EDA: variants seen among roughly 807,000 people sequenced by gnomAD.
EDA encodes the protein ectodysplasin-A.
In EDA, 2 loss-of-function variants were observed where a neutral mutation model predicts 23.6. That is an observed-to-expected ratio of 0.08 (90% CI 0.03 to 0.27). The LOEUF is 0.27. Among genes scored for constraint, EDA ranks in the 10% least tolerant of loss-of-function variants. The probability of loss-of-function intolerance (pLI) is 1.00; values close to 1 mark genes in which losing one functional copy is unlikely to be tolerated. For missense variants in EDA, 229 were observed against 324.2 expected (o/e 0.71, Z 2.26); for synonymous variants, 131 against 132.0 (o/e 0.99, Z 0.05).
chrX:69,768,993 AG>A (rs898062550), intron 1 of EDA, among the ~76,000 whole-genome samples: 1 of 112,005 alleles, frequency 8.9e-6, no homozygotes, highest in African/African-American at 3.2e-5. Flanking sequence ...ATGATTTTCT[AG>A]ATGTCTTTCT....
At chrX:69,849,431 T>C (rs2017079252) in intron 1 of EDA, among the ~76,000 whole-genome samples, 1 of 112,200 alleles carries the variant, frequency 8.9e-6, no homozygotes, top group Admixed American at 9.5e-5. Flanking sequence ...AAACATACCA[T>C]GTTGATTCCA....
At chrX:69,844,902 A>G (rs1442541009) in intron 1 of EDA, among the ~76,000 whole-genome samples, 3 of 112,342 alleles carry the variant, frequency 2.7e-5, no homozygotes, top group African/African-American at 9.7e-5. Flanking sequence ...CCTCAGCGTA[A>G]GTACATTTCT....
chrX:69,642,561 G>GT (rs1932852837), intron 1 of EDA, among the ~76,000 whole-genome samples: 1 of 110,653 alleles, frequency 9.0e-6, no homozygotes, highest in South Asian at 3.9e-4. Flanking sequence ...GTCAAAATTG[G>GT]TATAATATGA....
At chrX:69,693,729 A>G (rs1934777625) in intron 1 of EDA, among the ~76,000 whole-genome samples, 1 of 112,156 alleles carries the variant, frequency 8.9e-6, no homozygotes, top group Admixed American at 9.5e-5. Flanking sequence ...CAATTGCTTT[A>G]TAATTTGTCC....
chrX:69,759,141 T>G (rs965814235), intron 1 of EDA, among the ~76,000 whole-genome samples: 8 of 112,605 alleles, frequency 7.1e-5, no homozygotes, highest in African/African-American at 2.6e-4. Flanking sequence ...AATGACTTTC[T>G]TTTTTAAACC....
At chrX:69,658,643 C>G in intron 1 of EDA, among the ~76,000 whole-genome samples, 1 of 111,429 alleles carries the variant, frequency 9.0e-6, no homozygotes. Context: ...AACTCTGCTT[C>G]CTATGTTTGC....
At chrX:69,655,768 A>C (rs1050093512) in intron 1 of EDA, among the ~76,000 whole-genome samples, 1 of 85,098 alleles carries the variant, frequency 1.2e-5, no homozygotes, top group Non-Finnish European at 2.1e-5. Flanking sequence ...GAATCTATAT[A>C]TATATATATA....
At position 69,758,025 on chromosome X, in the gene EDA, C is replaced by A. The variant is rs745885381; in HGVS notation, c.396+141321C>A. ...TCATCATGCTCAAGCGATTTGTCTC[C>A]ATTTTTATTGCGTATCACTCAGAAG... On this transcript the variant is annotated intron_variant, in intron 1 of 7. Coordinates refer to ENST00000374552, the MANE Select transcript of EDA (RefSeq NM_001399.5). Among the ~76,000 whole-genome samples the A allele has an allele frequency of 8.2e-4, 92 of 112,043 alleles. 1 individual carries two copies. Among genetic ancestry groups the A allele is most frequent in the Non-Finnish European group, 1.1e-3 (58 of 53,186 alleles).
chrX:69,733,921 T>TC (rs1198103226), intron 1 of EDA, among the ~76,000 whole-genome samples: 1 of 106,439 alleles, frequency 9.4e-6, no homozygotes, highest in Non-Finnish European at 1.9e-5. Flanking sequence ...TATTTTTGCT[T>TC]TTTTTTTTAT....
chrX:70,023,148 ACTAT>A lies in EDA; in HGVS notation c.503-67_503-64del, dbSNP rs766865382. The A allele has an allele frequency of 1.3e-4, 93 of 737,611 alleles. No homozygotes were observed. In the African/African-American group the frequency reaches 1.8e-3, roughly 14 times the overall value. 60.8% of individuals were successfully genotyped at this position (737,611 alleles called of 1,213,427 possible). A position where few individuals can be genotyped will look rare whatever the true frequency, so the allele number is the denominator to read the frequency against. On this transcript the variant is annotated intron_variant, in intron 2 of 7. Transcript: ENST00000374552. ...AGTGTCTTGGGGATCCCTCCTAGTG[ACTAT>A]CTTAGAAAATAAACATTTTCTGTTC...
chrX:69,816,346 A>T (rs973000346), intron 1 of EDA, among the ~76,000 whole-genome samples: 6 of 111,548 alleles, frequency 5.4e-5, no homozygotes, highest in African/African-American at 2.0e-4. Context: ...TGAGGCTGAG[A>T]TGGCTGAATT....
chrX:69,843,953 C>T (rs1413244086), intron 1 of EDA, among the ~76,000 whole-genome samples: 1 of 98,596 alleles, frequency 1.0e-5, no homozygotes, highest in Non-Finnish European at 2.0e-5. Context: ...ACCCAGGAGG[C>T]AGAGCTTGCA....
chrX:70,028,671 C>G (rs1343281003), intron 4 of EDA, among the ~76,000 whole-genome samples: 1 of 112,871 alleles, frequency 8.9e-6, no homozygotes. Flanking sequence ...CCCTACCACA[C>G]TTGCCATTCA....
At chrX:69,926,755 G>T (rs745870229) in intron 1 of EDA, among the ~76,000 whole-genome samples, 2 of 111,402 alleles carry the variant, frequency 1.8e-5, no homozygotes, top group East Asian at 2.8e-4. Flanking sequence ...TGACAGTGGG[G>T]TGTTAAAGTC....
At chrX:69,652,757 T>C (rs1933145793) in intron 1 of EDA, among the ~76,000 whole-genome samples, 1 of 112,031 alleles carries the variant, frequency 8.9e-6, no homozygotes, top group Admixed American at 9.6e-5. Context: ...AAAGATATAG[T>C]GCTTAAAATG....
At chrX:69,910,166 A>AT (rs1054816040) in intron 1 of EDA, among the ~76,000 whole-genome samples, 43 of 103,973 alleles carry the variant, frequency 4.1e-4, no homozygotes, top group African/African-American at 1.4e-3. Flanking sequence ...TTAATTAATT[A>AT]TTTTTTTTTT....
At chrX:69,632,175 G>T (rs999256573) in intron 1 of EDA, among the ~76,000 whole-genome samples, 2 of 111,515 alleles carry the variant, frequency 1.8e-5, no homozygotes, top group Non-Finnish European at 3.8e-5. Context: ...CACAAGAGAA[G>T]CCAAAGGGGT....
intron 1 of EDA, among the ~76,000 whole-genome samples, chrX:69,774,544 A>G (rs2014725770): frequency 9.3e-6 from 1 of 107,725 alleles, no homozygotes. Context: ...GTTCTTGAAA[A>G]CCTTTTGTTG....
intron 1 of EDA, among the ~76,000 whole-genome samples, chrX:69,631,154 G>T (rs1227120434): frequency 9.0e-6 from 1 of 110,720 alleles, no homozygotes; most frequent in Non-Finnish European, 1.9e-5. Flanking sequence ...ACTGAGGTGG[G>T]TGGATCACCT....
Sources: allele counts gnomAD v4.1 joint callset (sites outside exome capture counted in the v4.1 genomes callset), GRCh38; gene constraint gnomAD v4.1.1; transcripts MANE v1.5; gene names NCBI Gene and HGNC (gene_info 2026-07-23, HGNC 2026-07-21).